The following HMGN3 variants were observed in gnomAD, a reference collection of about 807,000 sequenced individuals.
The protein encoded by HMGN3 is high mobility group nucleosome-binding domain-containing protein 3.
A neutral mutation model predicts 18.8 loss-of-function variants in HMGN3; 6 were observed. The observed-to-expected ratio is 0.32, with a 90% CI of 0.18 to 0.63. The LOEUF (loss-of-function observed/expected upper bound fraction) is 0.63, where lower values mean the gene tolerates loss of function less well. HMGN3 is among the 30% of genes least tolerant of loss of function. The pLI is 0.79. For missense variants in HMGN3, 107 were observed against 114.2 expected, an observed-to-expected ratio of 0.94 and a Z score of 0.29; for synonymous variants, 40 against 36.5, an observed-to-expected ratio of 1.10 and a Z score of -0.35.
At chr6:79,230,216 T>C (rs867021492) in intron 1 of HMGN3, among the ~76,000 whole-genome samples, 17 of 152,114 alleles carry the variant, frequency 1.1e-4, no homozygotes, top group African/African-American at 2.9e-4. Flanking sequence ...TTCTTTTAAA[T>C]AAAATTTCCA....
intron 2 of HMGN3, among the ~76,000 whole-genome samples, chr6:79,210,664 G>A (rs1233193488): frequency 6.6e-6 from 1 of 152,084 alleles, no homozygotes. Flanking sequence ...CCACTACTCA[G>A]TTACTCTTTA....
chr6:79,221,232 T>C (rs1351186121), intron 1 of HMGN3, among the ~76,000 whole-genome samples: 1 of 152,222 alleles, frequency 6.6e-6, no homozygotes, highest in East Asian at 1.9e-4. Flanking sequence ...TCCTCTTCTG[T>C]ACAAGACATG....
exon 5 of HMGN3, chr6:79,202,293 C>T (rs1217565058): frequency 2.5e-6 from 4 of 1,613,986 alleles, no homozygotes; most frequent in Admixed American, 1.7e-5. Context: ...GCTTTAGTTT[C>T]ACCATTTTCA....
chr6:79,229,512 C>T (rs1301325395), intron 1 of HMGN3, among the ~76,000 whole-genome samples: 3 of 152,032 alleles, frequency 2.0e-5, no homozygotes, highest in Non-Finnish European at 4.4e-5. Flanking sequence ...ATCAACAATA[C>T]CAAGTATGAA....
intron 1 of HMGN3, among the ~76,000 whole-genome samples, chr6:79,229,970 C>A (rs1248562410): frequency 6.6e-6 from 1 of 152,152 alleles, no homozygotes; most frequent in South Asian, 2.1e-4. Flanking sequence ...TATGTCCATG[C>A]AATCACTTAT....
At chr6:79,224,855 C>A (rs1314882070) in intron 1 of HMGN3, among the ~76,000 whole-genome samples, 1 of 152,174 alleles carries the variant, frequency 6.6e-6, no homozygotes, top group Non-Finnish European at 1.5e-5. Flanking sequence ...TTTGCTCGGA[C>A]ATACATTAAC....
chr6:79,215,163 A>C, intron 1 of HMGN3, 141 bp from the exon 2 acceptor site: 1 of 597,742 alleles, frequency 1.7e-6, no homozygotes, highest in Non-Finnish European at 2.9e-6. Flanking sequence ...ACAACAGGGT[A>C]TGTCTTTTAC....
intron 2 of HMGN3, 59 bp from the exon 3 acceptor site, chr6:79,208,635 T>C (rs966851066): frequency 7.7e-7 from 1 of 1,303,250 alleles, no homozygotes; most frequent in Non-Finnish European, 1.1e-6. Context: ...ACGAAGTTGA[T>C]TTTTAAAAAT....
chr6:79,209,590 CAGACTTT>C (rs1204435533), intron 2 of HMGN3, among the ~76,000 whole-genome samples: 1 of 152,190 alleles, frequency 6.6e-6, no homozygotes, highest in Non-Finnish European at 1.5e-5. Context: ...CTGCCTTATG[CAGACTTT>C]GCCTCATTAC....
intron 2 of HMGN3, among the ~76,000 whole-genome samples, chr6:79,214,586 A>G (rs1776878074): frequency 6.6e-6 from 1 of 152,244 alleles, no homozygotes; most frequent in Non-Finnish European, 1.5e-5. Flanking sequence ...ACTGGAGCAC[A>G]GAATTTATGA....
chr6:79,211,768 G>C (rs2127821012), intron 2 of HMGN3, among the ~76,000 whole-genome samples: 1 of 152,172 alleles, frequency 6.6e-6, no homozygotes, highest in South Asian at 2.1e-4. Context: ...CTTTAGGTTG[G>C]AGAAAATTCT....
At chr6:79,225,790 C>T (rs1777538039) in intron 1 of HMGN3, among the ~76,000 whole-genome samples, 1 of 152,192 alleles carries the variant, frequency 6.6e-6, no homozygotes, top group Non-Finnish European at 1.5e-5. Flanking sequence ...CCACTAGTTA[C>T]TGAAATACCT....
chr6:79,225,493 A>AT (rs1360692952), intron 1 of HMGN3, among the ~76,000 whole-genome samples: 2 of 152,156 alleles, frequency 1.3e-5, no homozygotes, highest in Admixed American at 6.5e-5. Context: ...GCATCTACTT[A>AT]TTTTTTAAAC....
chr6:79,201,705 C>G, exon 6 of HMGN3: 1 of 1,599,680 alleles, frequency 6.3e-7, no homozygotes, highest in African/African-American at 1.3e-5. Flanking sequence ...CCCTCGTTAT[C>G]TACAGATTCA....
intron 1 of HMGN3, among the ~76,000 whole-genome samples, chr6:79,220,230 T>C (rs1282416445): frequency 1.3e-5 from 2 of 152,194 alleles, no homozygotes; most frequent in Non-Finnish European, 2.9e-5. Context: ...AAATAGGATC[T>C]ATAAACTTCC....
chr6:79,231,356 A>G (rs982129865), intron 1 of HMGN3, among the ~76,000 whole-genome samples: 4 of 152,306 alleles, frequency 2.6e-5, no homozygotes, highest in Non-Finnish European at 5.9e-5. Context: ...CTCACCACTG[A>G]GTCCATGAAT....
At chr6:79,234,592 C>T (rs1778054604) in exon 1 of HMGN3, 2 of 1,611,534 alleles carry the variant, frequency 1.2e-6, no homozygotes, top group Non-Finnish European at 1.7e-6. Context: ...AAAAGTAAAG[C>T]AACGGACTGG....
At chr6:79,208,326 T>C (rs1776517164) in intron 3 of HMGN3, among the ~76,000 whole-genome samples, 1 of 152,194 alleles carries the variant, frequency 6.6e-6, no homozygotes, top group African/African-American at 2.4e-5. Context: ...CTGCTTTATA[T>C]TCTTCGTTAT....
At chr6:79,205,880 A>C (rs1332782655) in intron 3 of HMGN3, among the ~76,000 whole-genome samples, 1 of 152,212 alleles carries the variant, frequency 6.6e-6, no homozygotes, top group Non-Finnish European at 1.5e-5. Context: ...AAATCCAGGC[A>C]GAGGTGGTCT....
Sources: allele counts gnomAD v4.1 joint callset (sites outside exome capture counted in the v4.1 genomes callset), GRCh38; gene constraint gnomAD v4.1.1; transcripts MANE v1.5; gene names NCBI Gene and HGNC (gene_info 2026-07-23, HGNC 2026-07-21).